ITGA8: variants seen among roughly 807,000 people sequenced by gnomAD.
ITGA8 encodes the protein integrin alpha-8.
ITGA8 carries 91 observed loss-of-function variants against 142.3 expected under a neutral mutation model. The ratio of observed to expected loss-of-function variants is 0.64; its 90% CI spans 0.54 to 0.76. ITGA8 has a LOEUF of 0.76. Among genes scored for constraint, ITGA8 ranks in the 30% least tolerant of loss-of-function variants. The pLI is 0.00. For missense variants in ITGA8, 1,406 were observed against 1,327.7 expected (o/e 1.06, Z -0.92); for synonymous variants, 505 against 485.2 (o/e 1.04, Z -0.54).
chr10:15,553,489 C>A (rs1341795168), intron 26 of ITGA8, among the ~76,000 whole-genome samples: 1 of 152,022 alleles, frequency 6.6e-6, no homozygotes, highest in East Asian at 1.9e-4. Flanking sequence ...TAAGGCACAC[C>A]TTTTAAAGCC....
At chr10:15,564,426 G>T (rs1834041219) in intron 25 of ITGA8, among the ~76,000 whole-genome samples, 1 of 152,204 alleles carries the variant, frequency 6.6e-6, no homozygotes, top group Non-Finnish European at 1.5e-5. Flanking sequence ...TAGGCAGACA[G>T]TTCCCAGGAC....
intron 1 of ITGA8, among the ~76,000 whole-genome samples, chr10:15,719,359 G>GTTTGA (rs1835514480): frequency 6.6e-6 from 1 of 152,234 alleles, no homozygotes; most frequent in Non-Finnish European, 1.5e-5. Context: ...CTATGCAAGT[G>GTTTGA]GCATGTCTCT....
At chr10:15,656,831 C>A (rs1695866296) in intron 10 of ITGA8, among the ~76,000 whole-genome samples, 1 of 152,192 alleles carries the variant, frequency 6.6e-6, no homozygotes, top group African/African-American at 2.4e-5. Context: ...ATCGTGTCCT[C>A]ATTTAATGAA....
intron 2 of ITGA8, among the ~76,000 whole-genome samples, chr10:15,716,666 T>C (rs532350439): frequency 2.8e-5 from 3 of 109,062 alleles, no homozygotes; most frequent in African/African-American, 7.1e-5. Flanking sequence ...ATATAACCTA[T>C]TGTATTTTTT....
chr10:15,561,906 A>G (rs1186484657), intron 25 of ITGA8, among the ~76,000 whole-genome samples: 2 of 152,202 alleles, frequency 1.3e-5, no homozygotes, highest in Non-Finnish European at 2.9e-5. Context: ...ACTTACAATC[A>G]TGGCAGAAGG....
intron 13 of ITGA8, among the ~76,000 whole-genome samples, chr10:15,631,796 C>G (rs114969547): frequency 6.6e-6 from 1 of 151,002 alleles, no homozygotes. Flanking sequence ...CCCACCCCCC[C>G]CAAAAAAAGC....
chr10:15,686,163 C>T (rs1371605317), intron 3 of ITGA8, among the ~76,000 whole-genome samples: 2 of 152,156 alleles, frequency 1.3e-5, no homozygotes, highest in Admixed American at 6.5e-5. Flanking sequence ...TCTATGCTTC[C>T]AAATCTGTCC....
At chr10:15,594,320 C>A (rs950574956) in intron 21 of ITGA8, among the ~76,000 whole-genome samples, 5 of 152,092 alleles carry the variant, frequency 3.3e-5, no homozygotes, top group African/African-American at 9.7e-5. Flanking sequence ...CTGGGCCAGG[C>A]AGAATTGTTC....
chr10:15,634,843 T>C (rs1833743401), intron 13 of ITGA8, among the ~76,000 whole-genome samples: 1 of 152,064 alleles, frequency 6.6e-6, no homozygotes, highest in Non-Finnish European at 1.5e-5. Context: ...TAATAGCTCA[T>C]TGTACTATGT....
rs1450869028 is a variant in ITGA8 at position 15,616,179 on chromosome 10, C to T, written c.1445+335G>A. ...ATAGTAACATTCTTCTACCCTGCAC[C>T]GCTTCTTTACAAGTGAACATTTCAA... On this transcript the variant is annotated intron_variant, in intron 14 of 29. Coordinates refer to ENST00000378076, the MANE Select transcript of ITGA8 (RefSeq NM_003638.3). 5.3e-5 allele frequency among the ~76,000 whole-genome samples: 8 copies of T among 152,162 alleles called. No homozygotes were observed. The South Asian group carries it at 1.0e-3, about 20-fold the overall frequency.
chr10:15,640,649 G>A (rs1204504678), intron 13 of ITGA8, among the ~76,000 whole-genome samples: 1 of 152,176 alleles, frequency 6.6e-6, no homozygotes, highest in Non-Finnish European at 1.5e-5. Flanking sequence ...TCAATCAGGG[G>A]CTGGAGCAAT....
intron 23 of ITGA8, among the ~76,000 whole-genome samples, chr10:15,583,610 A>G (rs189443664): frequency 4.6e-5 from 7 of 152,314 alleles, no homozygotes; most frequent in Admixed American, 2.0e-4. Context: ...AGAAGCCAGC[A>G]CCATTCCCAA....
intron 24 of ITGA8, among the ~76,000 whole-genome samples, chr10:15,574,807 C>T (rs1402598235): frequency 6.6e-6 from 1 of 151,602 alleles, no homozygotes; most frequent in Admixed American, 6.6e-5. Flanking sequence ...AGTGGGTAAC[C>T]TTCAGTTTAA....
At chr10:15,639,658 G>C (rs1833835869) in intron 13 of ITGA8, among the ~76,000 whole-genome samples, 1 of 152,198 alleles carries the variant, frequency 6.6e-6, no homozygotes, top group African/African-American at 2.4e-5. Flanking sequence ...CAGGTGATCT[G>C]TTTGCACAGT....
chr10:15,519,952 C>T (rs766564070), intron 28 of ITGA8, among the ~76,000 whole-genome samples: 21 of 152,108 alleles, frequency 1.4e-4, no homozygotes, highest in African/African-American at 3.6e-4. Flanking sequence ...ATTCACACAA[C>T]GAATTAGTGT....
rs181609532 is a variant in ITGA8 at position 15,614,969 on chromosome 10, G to A, written c.1446-1202C>T. On this transcript the variant is annotated intron_variant, in intron 14 of 29. Coordinates refer to ENST00000378076, the MANE Select transcript of ITGA8 (RefSeq NM_003638.3). ...AGGGGGCTGGGAGTTCTGATCCCTG[G>A]AAGGATCAAGGGAAGGACAGAGGAC... 2.8e-4 allele frequency among the ~76,000 whole-genome samples: 42 copies of A among 152,298 alleles called. No homozygotes were observed. In the East Asian group the frequency reaches 8.1e-3, roughly 29 times the overall value.
At chr10:15,662,397 A>G (rs527493916) in intron 8 of ITGA8, among the ~76,000 whole-genome samples, 107 of 125,870 alleles carry the variant, frequency 8.5e-4, no homozygotes, top group Middle Eastern at 7.0e-3. Flanking sequence ...GTGTAGTGGC[A>G]TGATCATCAT....
Position 15,616,828 on chromosome 10 carries a change from T to C in ITGA8, c.1400-269A>G, listed in dbSNP as rs528945880. 5.3e-4 allele frequency among the ~76,000 whole-genome samples: 80 copies of C among 152,294 alleles called. 2 individuals are homozygous for C. In the South Asian group the frequency reaches 0.016, roughly 31 times the overall value. ...CTAGAAACTCATCATCGCATCACTT[T>C]TCCTATCCTTCAGGTTCAAGGCATA... is the stretch of plus-strand genomic sequence containing the variant. On this transcript the variant is annotated intron_variant, in intron 13 of 29. Coordinates refer to ENST00000378076, the MANE Select transcript of ITGA8 (RefSeq NM_003638.3).
chr10:15,598,010 T>G (rs994087767), intron 20 of ITGA8, among the ~76,000 whole-genome samples: 1 of 152,154 alleles, frequency 6.6e-6, no homozygotes, highest in Non-Finnish European at 1.5e-5. Flanking sequence ...GGCTTCCAGC[T>G]CCTCTTCATG....
Sources: gnomAD v4.1 joint callset for allele counts (sites outside exome capture counted in the v4.1 genomes callset) on GRCh38, gnomAD v4.1.1 for gene constraint, MANE v1.5 for transcripts, NCBI Gene and HGNC (gene_info 2026-07-23, HGNC 2026-07-21) for gene names.